The following DST variants were observed in gnomAD, a reference collection of about 807,000 sequenced individuals.
The protein encoded by DST is bullous pemphigoid antigen.
A neutral mutation model predicts 875.2 loss-of-function variants in DST; 253 were observed. The ratio of observed to expected loss-of-function variants is 0.29; its 90% confidence interval spans 0.26 to 0.32. The LOEUF (loss-of-function observed/expected upper bound fraction) is 0.32, where lower values mean the gene tolerates loss of function less well. Among genes scored for constraint, DST ranks in the 10% least tolerant of loss-of-function variants. The pLI, the probability that DST is intolerant of heterozygous loss-of-function variation, is 1.00. For missense variants in DST, 8,287 were observed against 9,111.6 expected (o/e 0.91, Z 3.68); for synonymous variants, 3,124 against 3,197.1 (o/e 0.98, Z 0.77).
intron 66 of DST, 65 bp downstream of exon 66, chr6:56,529,383 T>C: frequency 8.0e-7 from 1 of 1,257,762 alleles, no homozygotes; most frequent in Non-Finnish European, 1.0e-6. Context: ...TGTACAGAAA[T>C]AAGGACTAAG....
chr6:56,893,581 T>TA (rs1788915158), intron 3 of DST, among the ~76,000 whole-genome samples: 4 of 87,062 alleles, frequency 4.6e-5, no homozygotes, highest in Non-Finnish European at 9.3e-5. Context: ...TTTTTTTTTT[T>TA]TTTTTTATTT....
Position 56,573,908 on chromosome 6 carries a change from A to G in DST, c.13028-21T>C, listed in dbSNP as rs753561214. ...GTCATCTACTCCAAACAGATCAGGA[A>G]TATTAACCACAAAGTTCTCTTTGCC... On this transcript the variant is annotated intron_variant, in intron 50 of 103. Coordinates refer to ENST00000680361, the MANE Select transcript of DST (RefSeq NM_001374736.1). The G allele has an allele frequency of 4.5e-6, 7 of 1,570,400 alleles. No homozygotes were observed. The Admixed American group carries it at 1.2e-4, about 27-fold the overall frequency.
At chr6:56,518,202 A>T (rs1016255513) in intron 69 of DST, among the ~76,000 whole-genome samples, 5 of 152,202 alleles carry the variant, frequency 3.3e-5, no homozygotes, top group African/African-American at 4.8e-5. Context: ...TTTTAAGAGC[A>T]TTCTTAAATA....
chr6:56,629,155 G>T, intron 32 of DST, 95 bp downstream of exon 32: 1 of 1,210,276 alleles, frequency 8.3e-7, no homozygotes, highest in Non-Finnish European at 1.2e-6. Flanking sequence ...ATTAACTATG[G>T]AAGTAAAAAA....
rs79531645 is a variant in DST, at chr6:56,735,489, G to A, written c.626-200C>T. ...TGCTTGTCAGGTTGGTCTCTTCCCA[G>A]TACTGCATTTACCAATATTCCTCCA... On this transcript the variant is annotated intron_variant, in intron 4 of 103. Coordinates refer to ENST00000680361, the MANE Select transcript of DST (RefSeq NM_001374736.1). Among the ~76,000 whole-genome samples the A allele has an allele frequency of 0.024, 3,581 of 152,188 alleles. 116 individuals are homozygous for A. Among genetic ancestry groups the A allele is most frequent in the African/African-American group, 0.075 (3,123 of 41,502 alleles).
chr6:56,884,175 T>C (rs1470656535), intron 3 of DST, among the ~76,000 whole-genome samples: 1 of 152,172 alleles, frequency 6.6e-6, no homozygotes, highest in Non-Finnish European at 1.5e-5. Context: ...ACTTTCTCTT[T>C]TTTTTATATT....
intron 4 of DST, among the ~76,000 whole-genome samples, chr6:56,756,994 T>C (rs2099605751): frequency 6.6e-6 from 1 of 152,218 alleles, no homozygotes; most frequent in African/African-American, 2.4e-5. Context: ...GATGAATCAA[T>C]GCCTTGCAGC....
chr6:56,882,818 C>T (rs754494074), intron 3 of DST, among the ~76,000 whole-genome samples: 1 of 152,252 alleles, frequency 6.6e-6, no homozygotes, highest in South Asian at 2.1e-4. Flanking sequence ...GACCAGCTAT[C>T]GTTTAAATTT....
In DST at chr6:56,605,029, T is replaced by C. The variant is rs773049186; in HGVS notation, c.9599A>G (p.Asn3200Ser). Residue 3200 changes from asparagine to serine, a missense_variant, in exon 40 of 104, where the codon AAT becomes AGT. Coordinates refer to ENST00000680361, the MANE Select transcript of DST (RefSeq NM_001374736.1). The stretch of plus-strand genomic sequence containing the variant: ...TAAAACATGGCTTGGGACATCTTCA[T>C]TTGGTTTGGCTACATCTTTTGCTTT... The part of the protein sequence containing the change: ...NIKAKDVAKP[N>S]EDVPSHVLIT... 3.7e-6 allele frequency: 6 copies of C among 1,612,952 alleles called. No homozygotes were observed. In the Admixed American group the frequency reaches 1.0e-4, roughly 27 times the overall value.
At chr6:56,669,405 G>A (rs992434555) in intron 10 of DST, among the ~76,000 whole-genome samples, 1 of 151,538 alleles carries the variant, frequency 6.6e-6, no homozygotes, top group Non-Finnish European at 1.5e-5. Flanking sequence ...AGACCAGCCT[G>A]GCCAAAATGG....
At position 56,848,336 on chromosome 6, in the gene DST, A is replaced by C. The variant is rs539055220; in HGVS notation, c.625+3061T>G. On this transcript the variant is annotated intron_variant, in intron 4 of 103. Transcript: ENST00000680361. ...TTCTATTTTTAGGACCTTAAAAACAAATGAAAATACTAAACTCTCAGCTCT... is the reference window on the plus strand; with the variant it reads ...TTCTATTTTTAGGACCTTAAAAACACATGAAAATACTAAACTCTCAGCTCT... 1.1e-4 allele frequency among the ~76,000 whole-genome samples: 17 copies of C among 152,332 alleles called. No homozygotes were observed. The South Asian group carries it at 3.3e-3, about 30-fold the overall frequency.
chr6:56,819,594 T>G (rs951969105), intron 4 of DST, among the ~76,000 whole-genome samples: 1 of 152,192 alleles, frequency 6.6e-6, no homozygotes, highest in Non-Finnish European at 1.5e-5. Context: ...TCAGAAACAC[T>G]TTCTTTAAAA....
intron 4 of DST, among the ~76,000 whole-genome samples, chr6:56,763,222 CTAGTTTTCTCCTTACA>C (rs1432280538): frequency 1.3e-5 from 2 of 152,132 alleles, no homozygotes; most frequent in Non-Finnish European, 2.9e-5. Context: ...ACCATGTGTT[CTAGTTTTCTCCTTACA>C]TATTTCAGGC....
intron 4 of DST, among the ~76,000 whole-genome samples, chr6:56,788,286 T>C (rs1590381733): frequency 1.3e-5 from 2 of 151,652 alleles, no homozygotes; most frequent in Non-Finnish European, 2.9e-5. Context: ...CACTGCAGCC[T>C]CCGCCTCCCA....
intron 9 of DST, among the ~76,000 whole-genome samples, chr6:56,677,238 CTACAAATGT>C (rs2099135515): frequency 6.6e-6 from 1 of 152,054 alleles, no homozygotes; most frequent in East Asian, 1.9e-4. Flanking sequence ...ATAGAAAATT[CTACAAATGT>C]TAGCTTCTCC....
chr6:56,591,206 G>A (rs180776168), intron 49 of DST, among the ~76,000 whole-genome samples: 1 of 152,276 alleles, frequency 6.6e-6, no homozygotes, highest in South Asian at 2.1e-4. Flanking sequence ...TATAAAAATA[G>A]ATTTAAGAAC....
chr6:56,902,218 G>A (rs189712231), intron 2 of DST, among the ~76,000 whole-genome samples: 113 of 152,292 alleles, frequency 7.4e-4, no homozygotes, highest in African/African-American at 2.5e-3. Context: ...AATATGGTGG[G>A]AAACTAGTGA....
chr6:56,616,413 C>G, intron 36 of DST: 1 of 1,613,946 alleles, frequency 6.2e-7, no homozygotes, highest in Middle Eastern at 1.6e-4. Context: ...GCCTCATACA[C>G]GGTCAATTCT....
At chr6:56,574,745 T>C (rs1318685883) in intron 50 of DST, among the ~76,000 whole-genome samples, 1 of 152,164 alleles carries the variant, frequency 6.6e-6, no homozygotes, top group African/African-American at 2.4e-5. Context: ...GTTTGAACAA[T>C]GGTTTTTAAT....
Sources: allele counts gnomAD v4.1 joint callset (sites outside exome capture counted in the v4.1 genomes callset), GRCh38; gene constraint gnomAD v4.1.1; transcripts MANE v1.5; gene names NCBI Gene and HGNC (gene_info 2026-07-23, HGNC 2026-07-21).